RAI1: variants seen among roughly 807,000 people sequenced by gnomAD.
RAI1 encodes the protein retinoic acid induced 1.
A neutral mutation model predicts 123.8 loss-of-function variants in RAI1; 9 were observed. That is an observed-to-expected ratio of 0.07 (90% CI 0.04 to 0.13). The LOEUF (loss-of-function observed/expected upper bound fraction) is 0.13, where lower values mean the gene tolerates loss of function less well. RAI1 is among the 10% of genes least tolerant of loss of function. The pLI is 1.00. For synonymous variants in RAI1, 1,231 were observed against 1,127.3 expected, an observed-to-expected ratio of 1.09 and a Z score of -1.84; for missense variants, 2,256 against 2,545.8, an observed-to-expected ratio of 0.89 and a Z score of 2.45.
At chr17:17,735,676 A>G (rs1392855468) in intron 2 of RAI1, among the ~76,000 whole-genome samples, 20 of 152,160 alleles carry the variant, frequency 1.3e-4, no homozygotes, top group Admixed American at 1.3e-3. Context: ...ACTTCCTCTC[A>G]TTCAGAAGTG....
rs565710446 is a variant in RAI1, at chr17:17,797,585, A to G, written c.4637A>G (p.Lys1546Arg). The change falls in exon 3 of 6, where the codon AAG (lysine) becomes AGG (arginine). Residue 1546 changes from lysine (K) to arginine (R), a missense_variant. Around this residue, in one of 7 missense-constraint regions of RAI1, gnomAD observed 410 missense variants for 374.6 expected, o/e 1.09. Transcript: ENST00000353383. ...AAGCGCCTCACTCGGGGCCGGGCCA[A>G]GAACACCACCTCTTCACCCTGTAAG... Reference protein sequence around the residue: ...KRKRLTRGRAKNTTSSPCKGR... With the variant: ...KRKRLTRGRARNTTSSPCKGR... 44 of 1,614,080 alleles carry G rather than the reference A, an allele frequency of 2.7e-5. No individual in the cohort carries two copies. Among genetic ancestry groups the G allele is most frequent in the Non-Finnish European group, 3.4e-5 (40 of 1,180,030 alleles).
At position 17,794,937 on chromosome 17, in the gene RAI1, G is replaced by A. The variant is rs941720217; in HGVS notation, c.1989G>A (p.Glu663=). The change falls in exon 3 of 6, where the codon GAG becomes GAA. Residue 663 remains glutamate, a synonymous_variant. Transcript: ENST00000353383. ...VAKSAWPRPG[E]PEALPDSLQL... ...AGAGTGCGTGGCCCCGGCCTGGGGA[G>A]CCGGAGGCCCTGCCCGACTCCTTGC... The A allele has an allele frequency of 8.1e-6, 13 of 1,613,578 alleles. No individual in the cohort carries two copies. The highest frequency in any genetic ancestry group is 2.7e-5 in the African/African-American group (2 of 74,946).
At chr17:17,696,388 T>C (rs1216439526) in intron 1 of RAI1, among the ~76,000 whole-genome samples, 8 of 152,178 alleles carry the variant, frequency 5.3e-5, no homozygotes, top group Non-Finnish European at 8.8e-5. Flanking sequence ...CAGCCACAGT[T>C]GTCTTCCCTC....
intron 1 of RAI1, among the ~76,000 whole-genome samples, chr17:17,687,031 T>G (rs1359715399): frequency 6.6e-6 from 1 of 152,140 alleles, no homozygotes; most frequent in Non-Finnish European, 1.5e-5. Context: ...TCGCCCAGGC[T>G]GGAGTGCAAT....
At chr17:17,750,356 TATTATA>T (rs1466107217) in intron 2 of RAI1, among the ~76,000 whole-genome samples, 1 of 151,994 alleles carries the variant, frequency 6.6e-6, no homozygotes, top group Non-Finnish European at 1.5e-5. Flanking sequence ...TACAGGAGGG[TATTATA>T]ATTAGCCCAG....
In RAI1 at chr17:17,796,806, C is replaced by T. The variant is rs765492844; in HGVS notation, c.3858C>T (p.Gly1286=). The T allele has an allele frequency of 2.1e-5, 34 of 1,611,070 alleles. No homozygotes were observed. The South Asian group carries it at 2.3e-4, about 11-fold the overall frequency. ...PKKAKPTKGN[G]EPATKLPPPE... ...AAGCCAAGCCCACCAAGGGCAATGG[C>T]GAGCCTGCCACAAAGCTCCCACCCC... Residue 1286 remains glycine (G), a synonymous_variant, in exon 3 of 6, where the codon GGC becomes GGT. Coordinates refer to ENST00000353383, the MANE Select transcript of RAI1 (RefSeq NM_030665.4). The surrounding 1 kb of genome is among the most constrained non-coding windows in gnomAD (Gnocchi z 5.8).
Position 17,797,075 on chromosome 17 carries a change from T to G in RAI1, c.4127T>G (p.Val1376Gly). 6.2e-7 allele frequency: 1 copy of G among 1,613,870 alleles called. No individual in the cohort carries two copies. The highest frequency in any genetic ancestry group is 8.5e-7 in the Non-Finnish European group (1 of 1,180,016). ...RGLKGAGGSPVGVEEGLVNVG... is the reference protein window; with the variant it reads ...RGLKGAGGSPGGVEEGLVNVG... ...CTCAAGGGTGCTGGGGGCAGCCCAG[T>G]GGGGGTGGAAGAAGGCCTGGTAAAT... The change falls in exon 3 of 6, where the codon GTG (valine) becomes GGG (glycine). Residue 1376 changes from valine (V) to glycine (G), a missense_variant. This residue lies in a region of RAI1 where 322 missense variants were observed against 358.0 expected (regional missense o/e 0.90). Coordinates refer to ENST00000353383, the MANE Select transcript of RAI1 (RefSeq NM_030665.4).
chr17:17,703,999 C>G (rs2142893006), intron 1 of RAI1, among the ~76,000 whole-genome samples: 1 of 152,312 alleles, frequency 6.6e-6, no homozygotes, highest in East Asian at 1.9e-4. Flanking sequence ...GAGCAGTGAG[C>G]CACTGTGCAC....
In RAI1 at chr17:17,797,076, G is replaced by T. The variant is rs776625806; in HGVS notation, c.4128G>T (p.Val1376=). Residue 1376 remains valine (V), a synonymous_variant, in exon 3 of 6, where the codon GTG becomes GTT. Transcript: ENST00000353383. The part of the protein sequence containing the change: ...RGLKGAGGSP[V]GVEEGLVNVG... ...TCAAGGGTGCTGGGGGCAGCCCAGT[G>T]GGGGTGGAAGAAGGCCTGGTAAATG... The T allele has an allele frequency of 1.2e-6, 2 of 1,614,016 alleles. No individual in the cohort carries two copies. Among genetic ancestry groups the T allele is most frequent in the East Asian group, 2.2e-5 (1 of 44,884 alleles).
At chr17:17,752,574 T>C (rs1434161451) in intron 2 of RAI1, among the ~76,000 whole-genome samples, 1 of 152,114 alleles carries the variant, frequency 6.6e-6, no homozygotes, top group Non-Finnish European at 1.5e-5. Context: ...GTCCGTAGTT[T>C]TTCTTGGCCC....
intron 2 of RAI1, among the ~76,000 whole-genome samples, chr17:17,786,258 C>G (rs2031822953): frequency 6.6e-6 from 1 of 152,224 alleles, no homozygotes. Flanking sequence ...CGCTGCCTGG[C>G]CCACCCACAT....
rs1434172639 is a variant in RAI1, at chr17:17,799,164, CTGGGGCTGTGCCGCCATGCACCTT to C, written c.5565+662_5565+685del. On this transcript the variant is annotated intron_variant, in intron 3 of 5. Transcript: ENST00000353383. This position sits in a 1 kb window ranked among gnomAD's most constrained non-coding sequence, Gnocchi z 4.5. ...GAGCACCAACATGAGAGAGGGAACT[CTGGGGCTGTGCCGCCATGCACCTT>C]TGGGGCTGTGACCTGCCCTCTCTGT... 1.3e-5 allele frequency among the ~76,000 whole-genome samples: 2 copies of C among 152,368 alleles called. No individual in the cohort carries two copies. The highest frequency in any genetic ancestry group is 2.9e-5 in the Non-Finnish European group (2 of 68,030).
At chr17:17,774,825 A>G (rs1340645771) in intron 2 of RAI1, among the ~76,000 whole-genome samples, 2 of 152,162 alleles carry the variant, frequency 1.3e-5, no homozygotes. Context: ...GCATCTGCGC[A>G]CCATCGTCTG....
At chr17:17,805,584 A>AC (rs1239552503) in intron 4 of RAI1, among the ~76,000 whole-genome samples, 4 of 152,096 alleles carry the variant, frequency 2.6e-5, no homozygotes, top group Admixed American at 2.6e-4. Context: ...CACAGCCTGT[A>AC]CCCCACCTGC....
intron 1 of RAI1, among the ~76,000 whole-genome samples, chr17:17,715,597 C>T (rs868522918): frequency 7.8e-4 from 119 of 152,174 alleles, no homozygotes; most frequent in African/African-American, 2.8e-3. Context: ...GCCTCTGCCT[C>T]CCCCGGCCCC....
At position 17,810,791 on chromosome 17, in the gene RAI1, A is replaced by G. The variant is rs1458577310; in HGVS notation, c.*810A>G. On this transcript the variant is annotated 3_prime_UTR_variant, in exon 6 of 6. Coordinates refer to ENST00000353383, the MANE Select transcript of RAI1 (RefSeq NM_030665.4). This position sits in a 1 kb window ranked among gnomAD's most constrained non-coding sequence, Gnocchi z 4.6. ...AGCGCAAAACCCAAGAAGCGGCCAG[A>G]ACGCACCTCCGGCTCCGGCGGACGC... 1 of 454,948 alleles carries G rather than the reference A, an allele frequency of 2.2e-6. No individual in the cohort carries two copies. Among genetic ancestry groups the G allele is most frequent in the African/African-American group, 2.0e-5 (1 of 50,050 alleles). The allele number at this position is 454,948 out of a possible 1,614,324, so 28.2% of individuals were successfully genotyped here. A position where few individuals can be genotyped will look rare whatever the true frequency, so the allele number is the denominator to read the frequency against.
intron 1 of RAI1, among the ~76,000 whole-genome samples, chr17:17,694,877 T>C (rs1293770511): frequency 1.3e-5 from 2 of 151,824 alleles, no homozygotes; most frequent in Non-Finnish European, 2.9e-5. Context: ...CCGGGTCTTT[T>C]TCCGGGAACG....
intron 1 of RAI1, among the ~76,000 whole-genome samples, chr17:17,703,239 C>T (rs986726695): frequency 6.6e-6 from 1 of 152,190 alleles, no homozygotes; most frequent in African/African-American, 2.4e-5. Flanking sequence ...GATCCAACTT[C>T]CTGTCCAGGT....
chr17:17,791,070 G>A (rs977774586), intron 2 of RAI1, among the ~76,000 whole-genome samples: 2 of 152,234 alleles, frequency 1.3e-5, no homozygotes, highest in African/African-American at 4.8e-5. Context: ...CCAGGGAGAG[G>A]AGCTGGAGCA....
Sources: allele counts gnomAD v4.1 joint callset (sites outside exome capture counted in the v4.1 genomes callset), GRCh38; gene constraint gnomAD v4.1.1; regional missense constraint gnomAD v4.1.1; non-coding constraint Gnocchi (gnomAD v3.1); transcripts MANE v1.5; gene names NCBI Gene and HGNC (gene_info 2026-07-23, HGNC 2026-07-21).